Variants in IQCM observed in about 807,000 individuals in gnomAD.
IQCM encodes the protein IQ domain-containing protein M.
IQCM carries 45 observed loss-of-function variants against 57.6 expected under a neutral mutation model. The observed-to-expected ratio is 0.78, with a 90% CI of 0.62 to 1.00. The LOEUF (loss-of-function observed/expected upper bound fraction) is 1.00. Among genes scored for constraint, IQCM ranks in the 50% least tolerant of loss-of-function variants. IQCM has a pLI of 0.00. For missense variants in IQCM, 468 were observed against 511.6 expected, an observed-to-expected ratio of 0.91 and a Z score of 0.82; for synonymous variants, 148 against 158.9, an observed-to-expected ratio of 0.93 and a Z score of 0.51.
chr4:149,553,614 T>C (rs1169655512), intron 10 of IQCM, among the ~76,000 whole-genome samples: 2 of 152,230 alleles, frequency 1.3e-5, no homozygotes, highest in Admixed American at 6.5e-5. Flanking sequence ...TGTAGTCTTA[T>C]TAAGGTATTA....
At chr4:149,536,600 C>T (rs995292430) in intron 12 of IQCM, among the ~76,000 whole-genome samples, 6 of 151,938 alleles carry the variant, frequency 3.9e-5, no homozygotes, top group African/African-American at 1.4e-4. Context: ...ACATTGTATG[C>T]ATGTAGTTAT....
At chr4:149,363,797 A>C (rs1435729945) in intron 13 of IQCM, among the ~76,000 whole-genome samples, 2 of 152,226 alleles carry the variant, frequency 1.3e-5, no homozygotes, top group Non-Finnish European at 2.9e-5. Flanking sequence ...TAATAAACAT[A>C]GCTACTTAAA....
chr4:149,730,349 A>T (rs1766342133), intron 5 of IQCM, among the ~76,000 whole-genome samples: 1 of 152,182 alleles, frequency 6.6e-6, no homozygotes, highest in Non-Finnish European at 1.5e-5. Context: ...GTCTCTATGC[A>T]TCTAAAATCC....
chr4:149,726,077 A>C (rs1345681590), intron 5 of IQCM, among the ~76,000 whole-genome samples: 1 of 99,088 alleles, frequency 1.0e-5, no homozygotes, highest in Non-Finnish European at 2.4e-5. Flanking sequence ...CTCTAAAAGA[A>C]AGAAAGAAAG....
intron 5 of IQCM, among the ~76,000 whole-genome samples, chr4:149,709,291 A>C (rs1764384531): frequency 6.6e-6 from 1 of 152,076 alleles, no homozygotes; most frequent in Non-Finnish European, 1.5e-5. Context: ...AGTAAGGTTT[A>C]AATACAAACT....
At chr4:149,468,555 C>T (rs1237924446) in intron 12 of IQCM, among the ~76,000 whole-genome samples, 1 of 149,758 alleles carries the variant, frequency 6.7e-6, no homozygotes. Context: ...GGGGGCAGGG[C>T]ATAGCTGAAC....
At position 149,653,556 on chromosome 4, in the gene IQCM, T is replaced by C. The variant is rs545313007; in HGVS notation, c.565+28562A>G. 5.9e-5 allele frequency among the ~76,000 whole-genome samples: 9 copies of C among 152,174 alleles called. No homozygotes were observed. In the East Asian group the frequency reaches 1.7e-3, roughly 29 times the overall value. ...ATGTGTGTATGTATGAGCATGAGTG[T>C]AGAAAAGAACAGATCATGCCCCTAT... On this transcript the variant is annotated intron_variant, in intron 7 of 13. Transcript: ENST00000636793.
At chr4:149,368,773 T>TATATACATGTATATATATATATAC (rs1730032904) in intron 13 of IQCM, among the ~76,000 whole-genome samples, 3 of 122,758 alleles carry the variant, frequency 2.4e-5, no homozygotes, top group African/African-American at 8.7e-5. Flanking sequence ...TATATATACA[T>TATATACATGTATATATATATATAC]ATATATACAT....
At chr4:149,614,832 G>A (rs912594751) in intron 8 of IQCM, among the ~76,000 whole-genome samples, 8 of 152,290 alleles carry the variant, frequency 5.3e-5, no homozygotes, top group South Asian at 4.1e-4. Flanking sequence ...CACAGGCTGC[G>A]AGCTGGACAA....
intron 12 of IQCM, among the ~76,000 whole-genome samples, chr4:149,500,723 C>G (rs1365071987): frequency 6.6e-6 from 1 of 152,098 alleles, no homozygotes; most frequent in Non-Finnish European, 1.5e-5. Context: ...GAGTGGAAAT[C>G]AAAGCAGTCC....
At chr4:149,743,785 T>C (rs1025784382) in intron 2 of IQCM, among the ~76,000 whole-genome samples, 1 of 152,192 alleles carries the variant, frequency 6.6e-6, no homozygotes, top group East Asian at 1.9e-4. Context: ...CATTTGACAT[T>C]ATCATTACTT....
At chr4:149,452,464 T>C (rs762114980) in intron 12 of IQCM, among the ~76,000 whole-genome samples, 1 of 151,388 alleles carries the variant, frequency 6.6e-6, no homozygotes, top group Admixed American at 6.6e-5. Flanking sequence ...ATCAAGACAA[T>C]ATGATATTCA....
intron 13 of IQCM, among the ~76,000 whole-genome samples, chr4:149,415,830 T>C: frequency 6.6e-6 from 1 of 151,962 alleles, no homozygotes; most frequent in East Asian, 1.9e-4. Flanking sequence ...CTAGAAAAGC[T>C]GAACTGGGTA....
At chr4:149,621,530 A>C (rs2654822) in intron 7 of IQCM, among the ~76,000 whole-genome samples, 32,307 of 152,078 alleles carry the variant, frequency 0.21, 4,275 homozygotes, top group Non-Finnish European at 0.28. Context: ...CTATCTCCTC[A>C]TGAAGAACAT....
intron 9 of IQCM, among the ~76,000 whole-genome samples, chr4:149,578,457 G>A (rs1320755661): frequency 2.0e-5 from 3 of 151,744 alleles, no homozygotes; most frequent in African/African-American, 7.2e-5. Context: ...AGTGACCAGA[G>A]TTGTCAATTT....
At chr4:149,704,458 A>G (rs1455661103) in intron 5 of IQCM, among the ~76,000 whole-genome samples, 1 of 151,948 alleles carries the variant, frequency 6.6e-6, no homozygotes, top group Non-Finnish European at 1.5e-5. Context: ...CCACAAAGAT[A>G]TGAATAATTG....
intron 8 of IQCM, among the ~76,000 whole-genome samples, chr4:149,592,229 A>G (rs1254403219): frequency 6.6e-6 from 1 of 151,896 alleles, no homozygotes; most frequent in African/African-American, 2.4e-5. Flanking sequence ...TTTTTCATAT[A>G]CCTGTTGGCT....
chr4:149,469,062 T>C (rs1411869958), intron 12 of IQCM, among the ~76,000 whole-genome samples: 1 of 152,130 alleles, frequency 6.6e-6, no homozygotes, highest in Non-Finnish European at 1.5e-5. Flanking sequence ...AAAATCAGAT[T>C]GGCTCTTCTC....
chr4:149,716,761 C>T (rs995695278), intron 5 of IQCM, among the ~76,000 whole-genome samples: 3 of 152,218 alleles, frequency 2.0e-5, no homozygotes, highest in Non-Finnish European at 4.4e-5. Flanking sequence ...ACCCCATCCA[C>T]AGTACATAAA....
Sources: gnomAD v4.1 joint callset for allele counts (sites outside exome capture counted in the v4.1 genomes callset) on GRCh38, gnomAD v4.1.1 for gene constraint, MANE v1.5 for transcripts, NCBI Gene and HGNC (gene_info 2026-07-23, HGNC 2026-07-21) for gene names.